Variants in NTN1 observed in about 807,000 individuals in gnomAD.
NTN1 encodes netrin-1.
A neutral mutation model predicts 54.2 loss-of-function variants in NTN1; 11 were observed. The ratio of observed to expected loss-of-function variants is 0.20; its 90% CI spans 0.13 to 0.34. The LOEUF is 0.34. Among genes scored for constraint, NTN1 ranks in the 10% least tolerant of loss-of-function variants. The pLI is 1.00. For synonymous variants in NTN1, 371 were observed against 382.0 expected (o/e 0.97, Z 0.33); for missense variants, 740 against 893.1 (o/e 0.83, Z 2.18).
chr17:9,043,155 T>A (rs930413383), intron 2 of NTN1, among the ~76,000 whole-genome samples: 7 of 152,228 alleles, frequency 4.6e-5, no homozygotes, highest in Non-Finnish European at 1.0e-4. Flanking sequence ...CACTAAAATA[T>A]TTTTTAATGT....
chr17:9,113,222 C>T (rs2092198639), intron 2 of NTN1, among the ~76,000 whole-genome samples: 1 of 151,894 alleles, frequency 6.6e-6, no homozygotes, highest in Non-Finnish European at 1.5e-5. Context: ...TGGGGTTTCA[C>T]TATCTTGGCC....
At chr17:9,120,837 G>A (rs968856440) in intron 2 of NTN1, among the ~76,000 whole-genome samples, 2 of 152,178 alleles carry the variant, frequency 1.3e-5, no homozygotes, top group South Asian at 2.1e-4. Flanking sequence ...GTGGCCATTC[G>A]ACTTCATATT....
chr17:9,036,296 G>C (rs954144677), intron 2 of NTN1, among the ~76,000 whole-genome samples: 21 of 152,022 alleles, frequency 1.4e-4, no homozygotes, highest in African/African-American at 4.8e-4. Context: ...AGGTCACACA[G>C]CTAGCAGGTG....
At chr17:9,010,025 C>G in the NTN1 span, among the ~76,000 whole-genome samples, 1 of 152,178 alleles carries the variant, frequency 6.6e-6, no homozygotes, top group Admixed American at 6.5e-5. Context: ...TACAGTAAAG[C>G]CCTTGGGAAT....
chr17:9,137,435 T>C lies in NTN1; in HGVS notation c.1019-25378T>C, dbSNP rs1196416808. 3.3e-5 allele frequency among the ~76,000 whole-genome samples: 5 copies of C among 152,138 alleles called. No homozygotes were observed. In the South Asian group the frequency reaches 8.3e-4, roughly 25 times the overall value. On this transcript the variant is annotated intron_variant, in intron 2 of 6. Coordinates refer to ENST00000173229, the MANE Select transcript of NTN1 (RefSeq NM_004822.3). ...CAGTGAAGATTGTGGCGTGAATGAA[T>C]GAACCAATGAACAGAGCACAGAGTG...
chr17:9,022,784 C>T lies in NTN1; in HGVS notation c.411C>T (p.Ser137=), dbSNP rs958403506. The change falls in exon 2 of 7, where the codon TCC becomes TCT. Residue 137 remains serine, a synonymous_variant. Transcript: ENST00000173229. ...CGCACAACGTCACGCTCACACTGTC[C>T]CTCGGCAAGAAGTTCGAAGTGACCT... ...QFPHNVTLTL[S]LGKKFEVTYV... The T allele has an allele frequency of 6.2e-7, 1 of 1,610,728 alleles. No homozygotes were observed. Among genetic ancestry groups the T allele is most frequent in the Non-Finnish European group, 8.5e-7 (1 of 1,179,146 alleles).
chr17:9,013,366 G>A, the NTN1 span, among the ~76,000 whole-genome samples: 4 of 151,662 alleles, frequency 2.6e-5, no homozygotes, highest in Non-Finnish European at 5.9e-5. Flanking sequence ...ACAGGCATGC[G>A]CCACCACACC....
At chr17:9,184,641 A>G (rs2092427989) in intron 5 of NTN1, among the ~76,000 whole-genome samples, 2 of 152,222 alleles carry the variant, frequency 1.3e-5, no homozygotes, top group South Asian at 4.2e-4. Context: ...GACCTCAATG[A>G]TCTATCTCTC....
At chr17:9,180,330 C>T (rs188839143) in intron 4 of NTN1, among the ~76,000 whole-genome samples, 24 of 152,374 alleles carry the variant, frequency 1.6e-4, no homozygotes, top group South Asian at 1.0e-3. Context: ...TGAGCCACCG[C>T]GCCTGGCCCA....
At chr17:9,193,757 T>C (rs1423176872) in intron 5 of NTN1, among the ~76,000 whole-genome samples, 1 of 151,204 alleles carries the variant, frequency 6.6e-6, no homozygotes. Context: ...ACCCCGTCTC[T>C]AGTAAAAATA....
chr17:9,203,287 G>A (rs1904864528), intron 5 of NTN1, among the ~76,000 whole-genome samples: 1 of 151,838 alleles, frequency 6.6e-6, no homozygotes, highest in African/African-American at 2.4e-5. Context: ...CTGCCAATGT[G>A]TTGATTCCTT....
chr17:9,019,878 C>T (rs145008238), upstream of NTN1, among the ~76,000 whole-genome samples: 1,042 of 152,316 alleles, frequency 6.8e-3, 3 homozygotes, highest in Middle Eastern at 0.01. Context: ...TACCTGAAAT[C>T]CTTTCTGCCA....
At chr17:9,120,106 C>T (rs535026037) in intron 2 of NTN1, among the ~76,000 whole-genome samples, 1 of 152,018 alleles carries the variant, frequency 6.6e-6, no homozygotes, top group South Asian at 2.1e-4. Context: ...TGGTGAAACC[C>T]CATCTCTATT....
chr17:9,137,988 G>A (rs1008723082), intron 2 of NTN1, among the ~76,000 whole-genome samples: 1 of 151,678 alleles, frequency 6.6e-6, no homozygotes, highest in Non-Finnish European at 1.5e-5. Flanking sequence ...GTCCAGTCCT[G>A]AAGTGCAGTG....
chr17:9,150,631 C>T (rs1441891126), intron 2 of NTN1, among the ~76,000 whole-genome samples: 2 of 152,208 alleles, frequency 1.3e-5, no homozygotes, highest in Non-Finnish European at 2.9e-5. Flanking sequence ...GCCGGGCAGG[C>T]GGAGAGAAGG....
chr17:9,060,027 T>C (rs1453269686), intron 2 of NTN1, among the ~76,000 whole-genome samples: 1 of 151,752 alleles, frequency 6.6e-6, no homozygotes, highest in Non-Finnish European at 1.5e-5. Context: ...CAAATGGGAG[T>C]GTACATATCT....
chr17:9,107,529 CT>C (rs1406209881), intron 2 of NTN1, among the ~76,000 whole-genome samples: 1 of 152,228 alleles, frequency 6.6e-6, no homozygotes, highest in African/African-American at 2.4e-5. Flanking sequence ...ACTTAGACCC[CT>C]GGCTCATTCA....
At chr17:9,216,814 G>A (rs1278666998) in intron 5 of NTN1, among the ~76,000 whole-genome samples, 8 of 152,204 alleles carry the variant, frequency 5.3e-5, no homozygotes, top group African/African-American at 7.2e-5. Context: ...AGGCCAAGGC[G>A]GGTGGATCAT....
At chr17:9,031,114 C>T (rs1250146665) in intron 2 of NTN1, among the ~76,000 whole-genome samples, 3 of 152,194 alleles carry the variant, frequency 2.0e-5, no homozygotes, top group Non-Finnish European at 2.9e-5. Context: ...TTTCACACAT[C>T]CCAGAGACTC....
Sources: gnomAD v4.1 joint callset for allele counts (sites outside exome capture counted in the v4.1 genomes callset) on GRCh38, gnomAD v4.1.1 for gene constraint, MANE v1.5 for transcripts, NCBI Gene and HGNC (gene_info 2026-07-23, HGNC 2026-07-21) for gene names.